ZDHHC5: variants seen among roughly 807,000 people sequenced by gnomAD.
ZDHHC5 encodes the protein palmitoyltransferase ZDHHC5.
A neutral mutation model predicts 70.0 loss-of-function variants in ZDHHC5; 22 were observed. The ratio of observed to expected loss-of-function variants is 0.31; its 90% CI spans 0.22 to 0.45. The LOEUF (loss-of-function observed/expected upper bound fraction) is 0.45, where lower values mean the gene tolerates loss of function less well. Ranked by LOEUF, ZDHHC5 falls within the 20% of genes least tolerant of loss-of-function variation. ZDHHC5 has a pLI of 1.00. For missense variants in ZDHHC5, 746 were observed against 926.9 expected, an observed-to-expected ratio of 0.80 and a Z score of 2.53; for synonymous variants, 313 against 347.8, an observed-to-expected ratio of 0.90 and a Z score of 1.11.
chr11:57,682,630 G>C, intron 3 of ZDHHC5, 87 bp downstream of exon 3: 1 of 1,455,094 alleles, frequency 6.9e-7, no homozygotes, highest in Middle Eastern at 2.2e-4. Flanking sequence ...TGGGCCTTAA[G>C]AGTCCTGGGA....
chr11:57,688,302 A>G (rs905438954), intron 3 of ZDHHC5, among the ~76,000 whole-genome samples: 4 of 152,214 alleles, frequency 2.6e-5, no homozygotes, highest in South Asian at 2.1e-4. Context: ...TCACTTCCCA[A>G]TGCAGAATAA....
chr11:57,683,122 A>G (rs1361849133), intron 3 of ZDHHC5, among the ~76,000 whole-genome samples: 1 of 152,224 alleles, frequency 6.6e-6, no homozygotes, highest in African/African-American at 2.4e-5. Context: ...TAGCCATGAA[A>G]TGGCAAACTT....
intron 8 of ZDHHC5, among the ~76,000 whole-genome samples, chr11:57,695,435 A>G (rs1419575274): frequency 6.6e-6 from 1 of 151,916 alleles, no homozygotes; most frequent in Non-Finnish European, 1.5e-5. Context: ...AAAAAACCCA[A>G]CTTTTCTTCA....
Position 57,700,152 on chromosome 11 carries a change from C to A in ZDHHC5, c.*121C>A. On this transcript the variant is annotated 3_prime_UTR_variant, in exon 12 of 12. Coordinates refer to ENST00000287169, the MANE Select transcript of ZDHHC5 (RefSeq NM_015457.3). ...TGGACATTTTTTAAACCACCGATTC[C>A]AAGAGGATGAGGAGTGTTTTCTAAA... The A allele has an allele frequency of 1.5e-6, 2 of 1,297,604 alleles. No homozygotes were observed. The highest frequency in any genetic ancestry group is 2.1e-6 in the Non-Finnish European group (2 of 969,282). 80.4% of individuals were successfully genotyped at this position (1,297,604 alleles called of 1,614,324 possible). A position where few individuals can be genotyped will look rare whatever the true frequency, so the allele number is the denominator to read the frequency against.
intron 3 of ZDHHC5, among the ~76,000 whole-genome samples, chr11:57,684,052 G>A (rs1172765608): frequency 7.4e-6 from 1 of 135,994 alleles, no homozygotes; most frequent in African/African-American, 2.6e-5. Context: ...GCTCACTGCA[G>A]CCTTGACCCC....
In ZDHHC5 at chr11:57,690,151, C is replaced by G; in HGVS notation, c.505C>G (p.Leu169Val). 1 of 1,614,052 alleles carries G rather than the reference C, an allele frequency of 6.2e-7. No individual in the cohort carries two copies. Among genetic ancestry groups the G allele is most frequent in the Non-Finnish European group, 8.5e-7 (1 of 1,180,028 alleles). ...HIMGVFGFGL[L>V]YVLYHIEELS... ...TATGGGTGTGTTTGGCTTTGGCCTC[C>G]TTTATGTCCTCTACCACATAGAGGA... The change falls in exon 5 of 12, where the codon CTT (leucine) becomes GTT (valine). Residue 169 changes from leucine (L) to valine (V), a missense_variant. Around this residue, in one of 6 missense-constraint regions of ZDHHC5, gnomAD observed 114 missense variants for 179.3 expected, o/e 0.64. Coordinates refer to ENST00000287169, the MANE Select transcript of ZDHHC5 (RefSeq NM_015457.3).
At chr11:57,670,079 C>T (rs1783818) in intron 1 of ZDHHC5, among the ~76,000 whole-genome samples, 90,051 of 151,986 alleles carry the variant, frequency 0.59, 27,151 homozygotes, top group East Asian at 0.9. Context: ...ATATATGAAA[C>T]AATATATAGT....
chr11:57,682,883 TACCC>T (rs1946165840), intron 3 of ZDHHC5, among the ~76,000 whole-genome samples: 1 of 152,214 alleles, frequency 6.6e-6, no homozygotes, highest in Non-Finnish European at 1.5e-5. Flanking sequence ...GGTACAGTAA[TACCC>T]ACAGTGAATT....
chr11:57,692,053 AGCCCACTGGCTGGG>A (rs1946292597), intron 6 of ZDHHC5, among the ~76,000 whole-genome samples: 1 of 151,702 alleles, frequency 6.6e-6, no homozygotes, highest in Non-Finnish European at 1.5e-5. Flanking sequence ...CACTGGCTGG[AGCCCACTGGCTGGG>A]GCGCAGTGGC....
At chr11:57,684,920 G>T (rs1393067540) in intron 3 of ZDHHC5, among the ~76,000 whole-genome samples, 1 of 152,084 alleles carries the variant, frequency 6.6e-6, no homozygotes, top group Non-Finnish European at 1.5e-5. Flanking sequence ...GCCAAGGTGG[G>T]CAGATCACCT....
chr11:57,693,960 C>T (rs1432148508), intron 8 of ZDHHC5, 45 bp downstream of exon 8: 2 of 1,565,920 alleles, frequency 1.3e-6, no homozygotes, highest in Non-Finnish European at 8.6e-7. Flanking sequence ...GGAAGTCTCA[C>T]CCAAGGCAAA....
At chr11:57,676,890 AAG>A (rs1322676664) in intron 2 of ZDHHC5, among the ~76,000 whole-genome samples, 1 of 149,038 alleles carries the variant, frequency 6.7e-6, no homozygotes, top group East Asian at 2.0e-4. Context: ...GGGGCAGGAT[AAG>A]ATCTCTGCTT....
In ZDHHC5 at chr11:57,682,426, C is replaced by G. The variant is rs1431625781; in HGVS notation, c.109C>G (p.Pro37Ala). 1.2e-6 allele frequency: 2 copies of G among 1,612,416 alleles called. No individual in the cohort carries two copies. The highest frequency in any genetic ancestry group is 8.5e-7 in the Non-Finnish European group (1 of 1,179,302). The change falls in exon 3 of 12, where the codon CCA (proline) becomes GCA (alanine). Residue 37 changes from proline (P) to alanine (A), a missense_variant. Physicochemically the swap from Pro to Ala is conservative, Grantham distance 27. Coordinates refer to ENST00000287169, the MANE Select transcript of ZDHHC5 (RefSeq NM_015457.3). ...TTTTCTTTATTGTCTGTGCAGGTGT[C>G]CAGGACTAAGCCTGTATGTGTCACC... ...ATTLFFAFTC[P>A]GLSLYVSPAV... is the part of the protein sequence containing the mutation.
At position 57,699,187 on chromosome 11, in the gene ZDHHC5, G is replaced by C. The variant is rs1366971762; in HGVS notation, c.1751G>C (p.Ser584Thr). The C allele has an allele frequency of 4.3e-6, 7 of 1,614,138 alleles. No individual in the cohort carries two copies. Among genetic ancestry groups the C allele is most frequent in the South Asian group, 1.1e-5 (1 of 91,092 alleles). The change falls in exon 11 of 12, where the codon AGT becomes ACT. Residue 584 changes from serine to threonine, a missense_variant. Coordinates refer to ENST00000287169, the MANE Select transcript of ZDHHC5 (RefSeq NM_015457.3). Reference sequence around the variant, plus strand: ...GGCTCGGGCCATGCCCCTCGTACTAGTTCCTCCTCAGATGATTCAAAGAGA... The same window carrying C: ...GGCTCGGGCCATGCCCCTCGTACTACTTCCTCCTCAGATGATTCAAAGAGA... ...TPGSGHAPRT[S>T]SSSDDSKRSP...
chr11:57,675,953 G>A (rs1946066351), intron 2 of ZDHHC5, among the ~76,000 whole-genome samples: 1 of 152,258 alleles, frequency 6.6e-6, no homozygotes, highest in Non-Finnish European at 1.5e-5. Context: ...ATGTGGGGCT[G>A]TAAATCTGTA....
intron 3 of ZDHHC5, among the ~76,000 whole-genome samples, chr11:57,683,731 T>G (rs1250571144): frequency 6.6e-6 from 1 of 152,144 alleles, no homozygotes; most frequent in Non-Finnish European, 1.5e-5. Flanking sequence ...GAGAAAATAC[T>G]GTGAGATTAT....
At chr11:57,691,887 T>C (rs1052000444) in intron 6 of ZDHHC5, among the ~76,000 whole-genome samples, 1 of 151,994 alleles carries the variant, frequency 6.6e-6, no homozygotes, top group Non-Finnish European at 1.5e-5. Context: ...TCTGAGTTTA[T>C]AGAAACAATG....
At chr11:57,692,321 CT>C (rs1441974577) in intron 6 of ZDHHC5, among the ~76,000 whole-genome samples, 1 of 152,092 alleles carries the variant, frequency 6.6e-6, no homozygotes, top group Non-Finnish European at 1.5e-5. Context: ...ATGCCCAGCC[CT>C]TAATTGCTTA....
intron 11 of ZDHHC5, 143 bp downstream of exon 11, chr11:57,699,561 A>G: frequency 7.8e-7 from 1 of 1,280,890 alleles, no homozygotes; most frequent in South Asian, 1.5e-5. Context: ...CTTTGACTCT[A>G]CCTGCCTTCA....
Sources: allele counts gnomAD v4.1 joint callset (sites outside exome capture counted in the v4.1 genomes callset), GRCh38; gene constraint gnomAD v4.1.1; regional missense constraint gnomAD v4.1.1; transcripts MANE v1.5; gene names NCBI Gene and HGNC (gene_info 2026-07-23, HGNC 2026-07-21).